Variants in ZNF461 observed in about 807,000 individuals in gnomAD.
The protein encoded by ZNF461 is zinc finger protein 461.
Under a neutral mutation model 18.3 loss-of-function variants are expected in ZNF461, and 16 were observed. The ratio of observed to expected loss-of-function variants is 0.88; its 90% CI spans 0.59 to 1.33. The LOEUF is 1.33. Among genes scored for constraint, ZNF461 ranks in the 40% most tolerant of loss-of-function variants. The pLI, the probability that ZNF461 is intolerant of heterozygous loss-of-function variation, is 0.00. For missense variants in ZNF461, 595 were observed against 669.9 expected (o/e 0.89, Z 1.23); for synonymous variants, 179 against 216.9 (o/e 0.83, Z 1.54).
chr19:36,647,188 G>C (rs1181618070), intron 4 of ZNF461, among the ~76,000 whole-genome samples: 2 of 152,208 alleles, frequency 1.3e-5, no homozygotes, highest in Non-Finnish European at 2.9e-5. Flanking sequence ...ACATCAGAGT[G>C]AAATTGCTGC....
chr19:36,662,057 C>G (rs766905223), intron 2 of ZNF461, among the ~76,000 whole-genome samples: 1 of 151,706 alleles, frequency 6.6e-6, no homozygotes, highest in Non-Finnish European at 1.5e-5. Flanking sequence ...TTAGTAGAGA[C>G]GGGGTTTCTC....
At chr19:36,643,914 T>G in intron 4 of ZNF461, 52 bp from the exon 5 acceptor site, 1 of 1,328,910 alleles carries the variant, frequency 7.5e-7, no homozygotes, top group Non-Finnish European at 1.0e-6. Context: ...TATTTTATTA[T>G]ACAATAAAAA....
rs183981902 is a variant in ZNF461 at position 36,646,612 on chromosome 19, A to T, written c.233-2750T>A. Among the ~76,000 whole-genome samples, 43 of 152,342 alleles carry T rather than the reference A, an allele frequency of 2.8e-4. 1 individual carries two copies. The East Asian group carries it at 7.3e-3, about 26-fold the overall frequency. On this transcript the variant is annotated intron_variant, in intron 4 of 5. Transcript: ENST00000588268. ...AACTAATTGGAGCAATATTTTCCAA[A>T]TAACTAATGCATCATGTTACAAAAC...
At chr19:36,649,109 C>T (rs560925618) in intron 4 of ZNF461, among the ~76,000 whole-genome samples, 2 of 152,234 alleles carry the variant, frequency 1.3e-5, no homozygotes, top group East Asian at 1.9e-4. Flanking sequence ...AATCAAGACT[C>T]TCTGAAACAT....
intron 4 of ZNF461, among the ~76,000 whole-genome samples, chr19:36,647,045 AT>A (rs1275749267): frequency 6.6e-6 from 1 of 152,154 alleles, no homozygotes; most frequent in Non-Finnish European, 1.5e-5. Context: ...TTCTAACACA[AT>A]TTATTTTCCC....
intron 4 of ZNF461, among the ~76,000 whole-genome samples, chr19:36,649,713 CA>C (rs906914454): frequency 6.6e-6 from 1 of 151,414 alleles, no homozygotes; most frequent in African/African-American, 2.4e-5. Flanking sequence ...CTCCCACACA[CA>C]AAAAAATAAG....
chr19:36,639,232 A>G lies in ZNF461; in HGVS notation c.1113T>C (p.His371=). The G allele has an allele frequency of 6.2e-7, 1 of 1,612,530 alleles. No homozygotes were observed. The highest frequency in any genetic ancestry group is 8.5e-7 in the Non-Finnish European group (1 of 1,179,618). ...TATGAATTCTCTGATGTATAGTAAG[A>G]TGTGAGCGATGCCTAAAAGTCTTTC... ...ECGKTFRHRS[H]LTIHQRIHTG... Residue 371 remains histidine (H), a synonymous_variant, in exon 6 of 6, where the codon CAT becomes CAC. Coordinates refer to ENST00000588268, the MANE Select transcript of ZNF461 (RefSeq NM_153257.5).
chr19:36,650,363 G>GA (rs1350660321), intron 4 of ZNF461, among the ~76,000 whole-genome samples: 1 of 151,962 alleles, frequency 6.6e-6, no homozygotes, highest in Non-Finnish European at 1.5e-5. Flanking sequence ...CGAAATCTTT[G>GA]AAAATCACAA....
chr19:36,655,515 C>G (rs1218056340), intron 4 of ZNF461, among the ~76,000 whole-genome samples: 1 of 152,144 alleles, frequency 6.6e-6, no homozygotes, highest in African/African-American at 2.4e-5. Flanking sequence ...GAGAGGATTG[C>G]TTGAGCCAGG....
rs182360987 is a variant in ZNF461, at chr19:36,644,071, T to C, written c.233-209A>G. On this transcript the variant is annotated intron_variant, in intron 4 of 5. Transcript: ENST00000588268. ...CTTCAGCCTCCCAAGTAGCTGGGAT[T>C]ACAGGCACGTGCCACCATGCCTGGT... 1.8e-4 allele frequency among the ~76,000 whole-genome samples: 28 copies of C among 152,132 alleles called. 1 individual carries two copies. The highest frequency in any genetic ancestry group is 1.8e-3 in the Admixed American group (27 of 15,264).
At chr19:36,649,270 C>T (rs1487329317) in intron 4 of ZNF461, among the ~76,000 whole-genome samples, 1 of 152,124 alleles carries the variant, frequency 6.6e-6, no homozygotes, top group Non-Finnish European at 1.5e-5. Flanking sequence ...TTAAAACATG[C>T]TTCACAAAAA....
chr19:36,652,478 G>T, intron 4 of ZNF461, among the ~76,000 whole-genome samples: 1 of 146,342 alleles, frequency 6.8e-6, no homozygotes, highest in East Asian at 2.0e-4. Flanking sequence ...TCCAGCCTGG[G>T]TGACAGAGCA....
chr19:36,643,295 C>G (rs1351991894), intron 5 of ZNF461: 1 of 152,200 alleles, frequency 6.6e-6, no homozygotes, highest in South Asian at 2.1e-4. Context: ...AGGCGATATC[C>G]TGCCTTCTTA....
At chr19:36,646,137 T>A (rs1208988918) in intron 4 of ZNF461, among the ~76,000 whole-genome samples, 1 of 151,144 alleles carries the variant, frequency 6.6e-6, no homozygotes, top group Non-Finnish European at 1.5e-5. Flanking sequence ...TTGTTGTTAT[T>A]GTTGTTGATT....
chr19:36,655,420 G>C (rs747563448), intron 4 of ZNF461, among the ~76,000 whole-genome samples: 70 of 152,152 alleles, frequency 4.6e-4, no homozygotes, highest in Non-Finnish European at 4.7e-4. Flanking sequence ...GCAATACAGT[G>C]AGACCTCATC....
chr19:36,639,455 C>T lies in ZNF461; in HGVS notation c.890G>A (p.Gly297Asp), dbSNP rs201010345. ...ELTLHQRIHTGEKPYECKECG... is the reference protein window; with the variant it reads ...ELTLHQRIHTDEKPYECKECG... ...TTCTTTACATTCATAAGGTTTCTCA[C>T]CAGTGTGAATTCTTTGATGTAGAGT... is the stretch of plus-strand genomic sequence containing the variant. Residue 297 changes from glycine to aspartate, a missense_variant, in exon 6 of 6, where the codon GGT (glycine) becomes GAT (aspartate). Physicochemically the swap from Gly to Asp is moderately conservative, Grantham distance 94. Coordinates refer to ENST00000588268, the MANE Select transcript of ZNF461 (RefSeq NM_153257.5). 30 of 1,613,908 alleles carry T rather than the reference C, an allele frequency of 1.9e-5. No homozygotes were observed. The highest frequency in any genetic ancestry group is 5.0e-5 in the Admixed American group (3 of 59,976).
At chr19:36,650,533 C>T (rs901354278) in intron 4 of ZNF461, among the ~76,000 whole-genome samples, 2 of 152,090 alleles carry the variant, frequency 1.3e-5, no homozygotes, top group Admixed American at 6.6e-5. Context: ...TTTTACACAA[C>T]GTCTTCCAGA....
rs559189273 is a variant in ZNF461 at position 36,639,065 on chromosome 19, T to A, written c.1280A>T (p.Gln427Leu). 1 of 1,613,662 alleles carries A rather than the reference T, an allele frequency of 6.2e-7. No individual in the cohort carries two copies. Among genetic ancestry groups the A allele is most frequent in the Non-Finnish European group, 8.5e-7 (1 of 1,179,958 alleles). ...ECGKAFCDGL[Q>L]LTLHQRIHTG... Reference sequence around the variant, plus strand: ...ATGAATCCTCTGATGTAGGGTTAGTTGTAAGCCATCACAAAAAGCCTTCCC... The same window carrying A: ...ATGAATCCTCTGATGTAGGGTTAGTAGTAAGCCATCACAAAAAGCCTTCCC... The change falls in exon 6 of 6, where the codon CAA becomes CTA. Residue 427 changes from glutamine (Q) to leucine (L), a missense_variant. Gln to Leu is a moderately radical substitution (Grantham distance 113, BLOSUM62 -2). Coordinates refer to ENST00000588268, the MANE Select transcript of ZNF461 (RefSeq NM_153257.5).
chr19:36,651,877 T>G (rs1384128275), intron 4 of ZNF461, among the ~76,000 whole-genome samples: 1 of 152,136 alleles, frequency 6.6e-6, no homozygotes, highest in Non-Finnish European at 1.5e-5. Flanking sequence ...CCAAAATAAT[T>G]ATGAAAAACA....
Sources: gnomAD v4.1 joint callset for allele counts (sites outside exome capture counted in the v4.1 genomes callset) on GRCh38, gnomAD v4.1.1 for gene constraint, MANE v1.5 for transcripts, NCBI Gene and HGNC (gene_info 2026-07-23, HGNC 2026-07-21) for gene names.